Variants in ZNF385D observed in about 807,000 individuals in gnomAD.
ZNF385D encodes the protein zinc finger protein 385D.
A neutral mutation model predicts 35.8 loss-of-function variants in ZNF385D; 15 were observed. That is an observed-to-expected ratio of 0.42 (90% CI 0.28 to 0.64). ZNF385D has a LOEUF of 0.64. Ranked by LOEUF, ZNF385D falls within the 30% of genes least tolerant of loss-of-function variation. The probability of loss-of-function intolerance (pLI) is 0.23; values close to 1 mark genes in which losing one functional copy is unlikely to be tolerated. For synonymous variants in ZNF385D, 212 were observed against 186.8 expected (o/e 1.13, Z -1.10); for missense variants, 474 against 494.6 (o/e 0.96, Z 0.39).
chr3:21,784,456 G>A (rs1424385431), intron 3 of ZNF385D, among the ~76,000 whole-genome samples: 4 of 152,084 alleles, frequency 2.6e-5, no homozygotes, highest in Admixed American at 1.3e-4. Flanking sequence ...AAATGGAAGC[G>A]ATAAAGAAAT....
At chr3:22,368,810 T>G (rs1696774003) in intron 2 of ZNF385D, among the ~76,000 whole-genome samples, 1 of 152,182 alleles carries the variant, frequency 6.6e-6, no homozygotes, top group Non-Finnish European at 1.5e-5. Flanking sequence ...AATATCAGTT[T>G]GGGGGAGATA....
chr3:21,570,069 TA>T (rs976995831), intron 2 of ZNF385D, among the ~76,000 whole-genome samples: 42 of 149,990 alleles, frequency 2.8e-4, no homozygotes, highest in African/African-American at 6.6e-4. Flanking sequence ...ATAATAATAA[TA>T]AAAAAAATTA....
intron 2 of ZNF385D, among the ~76,000 whole-genome samples, chr3:22,189,237 A>G (rs1398114034): frequency 6.6e-6 from 1 of 152,126 alleles, no homozygotes; most frequent in Non-Finnish European, 1.5e-5. Context: ...ATTAGGTATG[A>G]CCTATGGCAT....
chr3:21,759,608 G>C (rs1230038590), intron 3 of ZNF385D, among the ~76,000 whole-genome samples: 1 of 152,042 alleles, frequency 6.6e-6, no homozygotes, highest in Non-Finnish European at 1.5e-5. Flanking sequence ...TTGTGTAGCA[G>C]GCTGAAAGAT....
chr3:22,228,864 C>G (rs180832822), intron 2 of ZNF385D, among the ~76,000 whole-genome samples: 144 of 152,308 alleles, frequency 9.5e-4, no homozygotes, highest in African/African-American at 3.4e-3. Flanking sequence ...ATTTCCTGCC[C>G]TTGAACATAG....
intron 3 of ZNF385D, among the ~76,000 whole-genome samples, chr3:22,102,890 A>C: frequency 7.1e-6 from 1 of 141,612 alleles, no homozygotes; most frequent in Non-Finnish European, 1.5e-5. Context: ...CTGTGAATTT[A>C]TCAGGGAAAA....
chr3:22,111,442 T>C (rs1023703231), intron 3 of ZNF385D, among the ~76,000 whole-genome samples: 1 of 151,986 alleles, frequency 6.6e-6, no homozygotes, highest in African/African-American at 2.4e-5. Flanking sequence ...ACCACAGGGA[T>C]TGGCAAACTA....
intron 4 of ZNF385D, among the ~76,000 whole-genome samples, chr3:21,506,390 G>T (rs1706781588): frequency 6.6e-6 from 1 of 152,120 alleles, no homozygotes; most frequent in Non-Finnish European, 1.5e-5. Context: ...GATTTTAGAG[G>T]TTGTTTATTA....
intron 3 of ZNF385D, among the ~76,000 whole-genome samples, chr3:22,114,191 T>C (rs1702689461): frequency 6.6e-6 from 1 of 152,070 alleles, no homozygotes; most frequent in African/African-American, 2.4e-5. Flanking sequence ...AAAATTATTA[T>C]TGTTTGTATG....
chr3:21,981,591 C>A (rs1199685965), intron 3 of ZNF385D, among the ~76,000 whole-genome samples: 1 of 152,076 alleles, frequency 6.6e-6, no homozygotes, highest in Non-Finnish European at 1.5e-5. Context: ...TCAACTTTTG[C>A]TTTTGTTGCA....
chr3:21,762,847 C>T (rs961721075), intron 3 of ZNF385D, among the ~76,000 whole-genome samples: 1 of 152,028 alleles, frequency 6.6e-6, no homozygotes, highest in African/African-American at 2.4e-5. Flanking sequence ...CTTGGGGCAC[C>T]TTTTTACAAG....
At chr3:22,095,765 T>G (rs889217715) in intron 3 of ZNF385D, among the ~76,000 whole-genome samples, 18 of 151,978 alleles carry the variant, frequency 1.2e-4, no homozygotes, top group African/African-American at 4.1e-4. Context: ...GTGGCATCAG[T>G]TAGCATTTCT....
chr3:21,873,469 CTCTT>C (rs780701060), intron 3 of ZNF385D, among the ~76,000 whole-genome samples: 6 of 152,032 alleles, frequency 3.9e-5, no homozygotes, highest in Admixed American at 6.6e-5. Context: ...GCCATATTTT[CTCTT>C]TCTTATTGTG....
At chr3:21,874,944 GTTC>G (rs1313319302) in intron 3 of ZNF385D, among the ~76,000 whole-genome samples, 7 of 151,740 alleles carry the variant, frequency 4.6e-5, no homozygotes, top group African/African-American at 1.5e-4. Flanking sequence ...AAGGCTTTGT[GTTC>G]TTAATTAAGT....
intron 2 of ZNF385D, among the ~76,000 whole-genome samples, chr3:22,243,095 C>T (rs1559474496): frequency 1.3e-5 from 2 of 150,758 alleles, no homozygotes; most frequent in South Asian, 2.2e-4. Flanking sequence ...AGGAAAACTA[C>T]AGAATGGGAG....
At position 21,767,250 on chromosome 3, in the gene ZNF385D, G is replaced by C. The variant is rs555066048; in HGVS notation, c.326-102222C>G. On this transcript the variant is annotated intron_variant, in intron 3 of 5. Coordinates refer to the ZNF385D transcript ENST00000494108. ...GACTGAAGCTATACATACGTCTTAG[G>C]TTTGTGTAATCATCCTACAAAATAC... Among the ~76,000 whole-genome samples the C allele has an allele frequency of 9.2e-5, 14 of 152,128 alleles. No homozygotes were observed. In the South Asian group the frequency reaches 2.9e-3, roughly 32 times the overall value.
rs192868125 is a variant in ZNF385D at position 21,418,588 on chromosome 3, G to A, written c.*2626C>T. 2.6e-5 allele frequency: 4 copies of A among 152,250 alleles called. No individual in the cohort carries two copies. The highest frequency in any genetic ancestry group is 2.0e-4 in the Admixed American group (3 of 15,284). The allele number at this position is 152,250 out of a possible 1,614,324, so 9.4% of individuals were successfully genotyped here. On this transcript the variant is annotated 3_prime_UTR_variant, in exon 8 of 8. Transcript: ENST00000281523. ...CTTATATGGCTGATGGAGAAAATATGGCTGATTCGTTTGTTCCCAGCAAAT... is the reference window on the plus strand; with the variant it reads ...CTTATATGGCTGATGGAGAAAATATAGCTGATTCGTTTGTTCCCAGCAAAT...
At chr3:22,158,057 A>G (rs1705707190) in intron 3 of ZNF385D, among the ~76,000 whole-genome samples, 1 of 152,114 alleles carries the variant, frequency 6.6e-6, no homozygotes, top group South Asian at 2.1e-4. Flanking sequence ...TACAGCGCAC[A>G]TTACAAAGCC....
chr3:22,268,915 T>A (rs115417601), intron 2 of ZNF385D, among the ~76,000 whole-genome samples: 1 of 151,912 alleles, frequency 6.6e-6, no homozygotes, highest in Non-Finnish European at 1.5e-5. Flanking sequence ...GTGGTGAAGA[T>A]ATAATCAGCT....
Sources: allele counts gnomAD v4.1 joint callset (sites outside exome capture counted in the v4.1 genomes callset), GRCh38; gene constraint gnomAD v4.1.1; transcripts MANE v1.5; gene names NCBI Gene and HGNC (gene_info 2026-07-23, HGNC 2026-07-21).